PRSS2: variants seen among roughly 807,000 people sequenced by gnomAD.
The protein encoded by PRSS2 is serine protease 2, also known as trypsin-2.
Under a neutral mutation model 19.2 loss-of-function variants are expected in PRSS2, and 19 were observed. The observed-to-expected ratio is 0.99, with a 90% CI of 0.69 to 1.45. The LOEUF (loss-of-function observed/expected upper bound fraction) is 1.45. PRSS2 is among the 40% of genes most tolerant of loss of function. PRSS2 has a pLI of 0.00. For missense variants in PRSS2, 288 were observed against 294.4 expected (o/e 0.98, Z 0.16); for synonymous variants, 107 against 117.5 (o/e 0.91, Z 0.58).
rs1291030803 is a variant in PRSS2, at chr7:142,772,691, G to A, written c.200+483G>A. ...GCCTACACCAAGAACTCTTAAACCT[G>A]AGTATGCATCAGAACTCCCTGCAGG... On this transcript the variant is annotated intron_variant, in intron 2 of 4. Transcript: ENST00000539842. 5.2e-6 allele frequency: 3 copies of A among 576,504 alleles called. No individual in the cohort carries two copies. The East Asian group carries it at 8.3e-5, about 16-fold the overall frequency. The allele number at this position is 576,504 out of a possible 1,614,324, so 35.7% of individuals were successfully genotyped here.
At chr7:142,773,196 C>T in intron 2 of PRSS2, 70 bp from the exon 3 acceptor site, 1 of 1,613,774 alleles carries the variant, frequency 6.2e-7, no homozygotes, top group South Asian at 1.1e-5. Context: ...AGCTTAAGGA[C>T]CCATGGAAAG....
chr7:142,770,999 TC>T lies in PRSS2; in HGVS notation c.19del (p.Thr8ProfsTer34). 1.6e-6 allele frequency: 1 copy of T among 631,556 alleles called. No individual in the cohort carries two copies. The allele number at this position is 631,556 out of a possible 1,614,324, so 39.1% of individuals were successfully genotyped here. MNLLL[I>X]LTFVAAAVAA... ...TCTACCACCATGAATCTACTTCTGATCCTTACCTTTGTTGCAGCTGCTGGTG... is the reference window on the plus strand; with the variant it reads ...TCTACCACCATGAATCTACTTCTGATCTTACCTTTGTTGCAGCTGCTGGTG... On this transcript the variant is annotated frameshift_variant, in exon 1 of 5. Transcript: ENST00000539842. LOFTEE classifies it high-confidence loss of function.
chr7:142,773,834 C>G, intron 3 of PRSS2, 85 bp from the exon 4 acceptor site: 1 of 1,527,048 alleles, frequency 6.5e-7, no homozygotes, highest in African/African-American at 1.4e-5. Context: ...GGCAGTGTTC[C>G]TCTTCAATGT....
At position 142,771,674 on chromosome 7, in the gene PRSS2, CA is replaced by C. The variant is rs386627172; in HGVS notation, c.41-374del. 1.9e-3 allele frequency among the ~76,000 whole-genome samples: 293 copies of C among 151,330 alleles called. 1 individual carries two copies. Among genetic ancestry groups the C allele is most frequent in the African/African-American group, 6.7e-3 (277 of 41,064 alleles). On this transcript the variant is annotated intron_variant, in intron 1 of 4. Transcript: ENST00000539842. ...GTTTTCCTAGCTTGGCCAAAGTAGC[CA>C]GACAATCCGGGGCTTAAATAACCAG...
At chr7:142,772,531 T>TAA (rs1563286238) in intron 2 of PRSS2, 1 of 686,710 alleles carries the variant, frequency 1.5e-6, no homozygotes, top group Non-Finnish European at 2.6e-6. Context: ...AATGAGTACT[T>TAA]AAAAATACTG....
At position 142,774,061 on chromosome 7, in the gene PRSS2, T is replaced by G. The variant is rs1800220848; in HGVS notation, c.591+6T>G. 3.2e-6 allele frequency: 5 copies of G among 1,586,594 alleles called. No individual in the cohort carries two copies. The highest frequency in any genetic ancestry group is 4.3e-6 in the Non-Finnish European group (5 of 1,155,128). ...GAGGCAAGGATTCCTGCCAGGTGAT[T>G]TGACCCCTTCCCATGCTGAGGCTCC... On this transcript the variant is annotated splice_donor_region_variant and intron_variant, in intron 4 of 4. Transcript: ENST00000539842.
Position 142,772,058 on chromosome 7 carries a change from C to A in PRSS2, c.50C>A (p.Pro17His), listed in dbSNP as rs765209387. The A allele has an allele frequency of 6.2e-7, 1 of 1,613,838 alleles. No individual in the cohort carries two copies. The highest frequency in any genetic ancestry group is 8.5e-7 in the Non-Finnish European group (1 of 1,179,740). Residue 17 changes from proline to histidine, a missense_variant, in exon 2 of 5, where the codon CCC becomes CAC. Pro to His is a moderately conservative substitution (Grantham distance 77). Transcript: ENST00000539842. ...CCCATCTCCACTCCAGTTGCTGCCC[C>A]CTTTGATGATGATGACAAGATCGTT... ...LTFVAAAVAA[P>H]FDDDDKIVGG...
chr7:142,774,038 G>C lies in PRSS2; in HGVS notation c.574G>C (p.Gly192Arg). Residue 192 changes from glycine to arginine, a missense_variant, in exon 4 of 5, where the codon GGC becomes CGC. Coordinates refer to ENST00000539842, the MANE Select transcript of PRSS2 (RefSeq NM_002770.4). ...NMFCVGFLEG[G>R]KDSCQGDSGG... The stretch of plus-strand genomic sequence containing the variant: ...GTTCTGTGTGGGCTTCCTCGAGGGA[G>C]GCAAGGATTCCTGCCAGGTGATTTG... The C allele has an allele frequency of 1.3e-6, 2 of 1,598,548 alleles. No homozygotes were observed. Among genetic ancestry groups the C allele is most frequent in the Non-Finnish European group, 8.6e-7 (1 of 1,165,902 alleles).
In PRSS2 at chr7:142,773,452, C is replaced by T; in HGVS notation, c.387C>T (p.Pro129=). 4 of 1,600,842 alleles carry T rather than the reference C, an allele frequency of 2.5e-6. No individual in the cohort carries two copies. The highest frequency in any genetic ancestry group is 3.4e-6 in the Non-Finnish European group (4 of 1,168,270). ...INSRVSAISL[P]TAPPAAGTES... is the part of the protein sequence containing the mutation. ...CCCGCGTGTCCGCCATCTCTCTGCC[C>T]ACTGCCCCTCCAGCTGCTGGCACCG... Residue 129 remains proline (P), a synonymous_variant, in exon 3 of 5, where the codon CCC becomes CCT. Transcript: ENST00000539842.
At position 142,774,534 on chromosome 7, in the gene PRSS2, A is replaced by T. The variant is rs768199058; in HGVS notation, c.*26A>T. ...AGCCCCTGGTCCCTCTGCAGTCTCT[A>T]TACCAATAAAGTGACCCTGCTCTCA... On this transcript the variant is annotated 3_prime_UTR_variant, in exon 5 of 5. Coordinates refer to ENST00000539842, the MANE Select transcript of PRSS2 (RefSeq NM_002770.4). 41 of 1,599,838 alleles carry T rather than the reference A, an allele frequency of 2.6e-5. No homozygotes were observed. The African/African-American group carries it at 4.7e-4, about 18-fold the overall frequency.
At position 142,771,034 on chromosome 7, in the gene PRSS2, G is replaced by C. The variant is rs926850093; in HGVS notation, c.40+12G>C. 10 of 550,504 alleles carry C rather than the reference G, an allele frequency of 1.8e-5. No individual in the cohort carries two copies. Among genetic ancestry groups the C allele is most frequent in the African/African-American group, 4.5e-5 (2 of 44,552 alleles). 34.1% of individuals were successfully genotyped at this position (550,504 alleles called of 1,614,324 possible). A position where few individuals can be genotyped will look rare whatever the true frequency, so the allele number is the denominator to read the frequency against. Reference sequence around the variant, plus strand: ...TGTTGCAGCTGCTGGTGAGTTTCACGCCCTGCCTCAGGCCTCAACCAACCC... The same window carrying C: ...TGTTGCAGCTGCTGGTGAGTTTCACCCCCTGCCTCAGGCCTCAACCAACCC... On this transcript the variant is annotated intron_variant, in intron 1 of 4. Transcript: ENST00000539842.
At chr7:142,774,160 G>C (rs1438760515) in intron 4 of PRSS2, 105 bp downstream of exon 4, 4 of 1,138,732 alleles carry the variant, frequency 3.5e-6, no homozygotes, top group Non-Finnish European at 5.2e-6. Flanking sequence ...GCTCCCTGCA[G>C]TGCCCCATGG....
At chr7:142,771,662 G>C (rs1388384207) in intron 1 of PRSS2, among the ~76,000 whole-genome samples, 4 of 151,934 alleles carry the variant, frequency 2.6e-5, no homozygotes, top group African/African-American at 9.7e-5. Context: ...TTCCTAGCTT[G>C]GCCAAAGTAG....
chr7:142,771,765 A>T (rs937764696), intron 1 of PRSS2, among the ~76,000 whole-genome samples: 80 of 27,920 alleles, frequency 2.9e-3, no homozygotes, highest in African/African-American at 0.018. Flanking sequence ...CACATCCCAA[A>T]TCCTATCCCA....
At position 142,772,383 on chromosome 7, in the gene PRSS2, C is replaced by T. The variant is rs1448304321; in HGVS notation, c.200+175C>T. On this transcript the variant is annotated intron_variant, in intron 2 of 4. Transcript: ENST00000539842. The stretch of plus-strand genomic sequence containing the variant: ...GAGAGTGAACACAAGACAGGAAGCC[C>T]TCACACCCAGGCAAATCCATGAAAC... 10 of 993,134 alleles carry T rather than the reference C, an allele frequency of 1.0e-5. No individual in the cohort carries two copies. The East Asian group carries it at 1.8e-4, about 18-fold the overall frequency. 61.5% of individuals were successfully genotyped at this position (993,134 alleles called of 1,614,324 possible). A position where few individuals can be genotyped will look rare whatever the true frequency, so the allele number is the denominator to read the frequency against.
chr7:142,774,265 C>T, intron 4 of PRSS2, 91 bp from the exon 5 acceptor site: 1 of 1,050,426 alleles, frequency 9.5e-7, no homozygotes, highest in Non-Finnish European at 1.5e-6. Context: ...ACAGAGCTGG[C>T]TGGAAAGGGC....
chr7:142,772,445 T>C, intron 2 of PRSS2: 1 of 753,168 alleles, frequency 1.3e-6, no homozygotes. Flanking sequence ...GCAGGGATGA[T>C]CTTGGGGTGG....
chr7:142,773,821 A>G, intron 3 of PRSS2, 98 bp from the exon 4 acceptor site: 1 of 1,497,580 alleles, frequency 6.7e-7, no homozygotes, highest in Non-Finnish European at 9.3e-7. Flanking sequence ...AGTCCTCTCC[A>G]GGGGCAGTGT....
At position 142,771,036 on chromosome 7, in the gene PRSS2, C is replaced by G. The variant is rs1271151219; in HGVS notation, c.40+14C>G. On this transcript the variant is annotated intron_variant, in intron 1 of 4. Coordinates refer to ENST00000539842, the MANE Select transcript of PRSS2 (RefSeq NM_002770.4). ...TTGCAGCTGCTGGTGAGTTTCACGC[C>G]CTGCCTCAGGCCTCAACCAACCCTT... is the stretch of plus-strand genomic sequence containing the variant. The G allele has an allele frequency of 1.8e-6, 1 of 546,526 alleles. No individual in the cohort carries two copies. The highest frequency in any genetic ancestry group is 2.3e-5 in the African/African-American group (1 of 43,810). 33.9% of individuals were successfully genotyped at this position (546,526 alleles called of 1,614,324 possible).
Sources: allele counts gnomAD v4.1 joint callset (sites outside exome capture counted in the v4.1 genomes callset), GRCh38; gene constraint gnomAD v4.1.1; transcripts MANE v1.5; gene names NCBI Gene and HGNC (gene_info 2026-07-23, HGNC 2026-07-21).